The following MTUS1 variants were observed in gnomAD, a reference collection of about 807,000 sequenced individuals.
MTUS1 encodes microtubule-associated tumor suppressor 1.
MTUS1 carries 109 observed loss-of-function variants against 120.8 expected under a neutral mutation model. The ratio of observed to expected loss-of-function variants is 0.90; its 90% CI spans 0.77 to 1.06. The LOEUF (loss-of-function observed/expected upper bound fraction) is 1.06, where lower values mean the gene tolerates loss of function less well. Ranked by LOEUF, MTUS1 falls within the 50% of genes least tolerant of loss-of-function variation. The pLI, the probability that MTUS1 is intolerant of heterozygous loss-of-function variation, is 0.00. For missense variants in MTUS1, 2,210 were observed against 1,486.3 expected (o/e 1.49, Z -8.01); for synonymous variants, 737 against 550.5 (o/e 1.34, Z -4.74).
chr8:17,655,344 G>C (rs1461683576), intron 9 of MTUS1, among the ~76,000 whole-genome samples: 1 of 151,282 alleles, frequency 6.6e-6, no homozygotes, highest in African/African-American at 2.4e-5. Context: ...CCACCAGGAT[G>C]TTTACAAGGG....
chr8:17,796,543 T>C (rs2052259135), intron 1 of MTUS1, among the ~76,000 whole-genome samples: 1 of 152,198 alleles, frequency 6.6e-6, no homozygotes, highest in African/African-American at 2.4e-5. Context: ...CAATCACAAG[T>C]TGCCAATCTG....
rs201959113 is a variant in MTUS1 at position 17,753,933 on chromosome 8, G to T, written c.1875C>A (p.Cys625Ter). The change falls in exon 2 of 15, where the codon TGC (cysteine) becomes TGA (stop). Residue 625 changes from cysteine (C) to a stop codon, truncating the protein, a stop_gained. Coordinates refer to ENST00000693296, the MANE Select transcript of MTUS1 (RefSeq NM_001363059.2). LOFTEE classifies it high-confidence loss of function. ...ACAACGCAGAAACGGACCCGGTCTC[G>T]CATGCTGAGTTAGAAGAACTGGCTT... Reference protein sequence around the residue: ...VDKASSSNSACETGSVSALFQ... With the variant: ...VDKASSSNSA 6.2e-7 allele frequency: 1 copy of T among 1,614,114 alleles called. No individual in the cohort carries two copies. Among genetic ancestry groups the T allele is most frequent in the Non-Finnish European group, 8.5e-7 (1 of 1,180,006 alleles).
rs74822417 is a variant in MTUS1 at position 17,742,572 on chromosome 8, T to C, written c.2287+1032A>G. 1.2e-3 allele frequency among the ~76,000 whole-genome samples: 179 copies of C among 152,168 alleles called. 2 individuals carry two copies. In the East Asian group the frequency reaches 0.018, roughly 15 times the overall value. ...AATTCCTGTTTCCACCCAGATCCTC[T>C]GGGGATGGAGCCATGTGCTGCAAAC... On this transcript the variant is annotated intron_variant, in intron 3 of 14. Transcript: ENST00000693296.
At chr8:17,687,840 G>A (rs1156296481) in intron 6 of MTUS1, among the ~76,000 whole-genome samples, 6 of 152,178 alleles carry the variant, frequency 3.9e-5, no homozygotes, top group East Asian at 1.9e-4. Flanking sequence ...TTTAAAACTA[G>A]TGCAATGAAG....
intron 1 of MTUS1, among the ~76,000 whole-genome samples, chr8:17,779,465 G>A (rs560420065): frequency 6.6e-6 from 1 of 152,104 alleles, no homozygotes; most frequent in East Asian, 1.9e-4. Flanking sequence ...CCCATGTTCT[G>A]GTGTTTAAAA....
chr8:17,768,609 T>C (rs912388770), intron 1 of MTUS1, among the ~76,000 whole-genome samples: 6 of 150,854 alleles, frequency 4.0e-5, no homozygotes, highest in African/African-American at 1.5e-4. Flanking sequence ...CCACATGAGG[T>C]TTGTATTTAA....
intron 3 of MTUS1, among the ~76,000 whole-genome samples, chr8:17,733,119 G>A (rs932865271): frequency 2.0e-5 from 3 of 152,160 alleles, no homozygotes; most frequent in East Asian, 1.9e-4. Context: ...GGAAGGCCGA[G>A]GTGGGTGGAT....
At chr8:17,761,706 C>A (rs1250395675) in intron 1 of MTUS1, among the ~76,000 whole-genome samples, 1 of 152,156 alleles carries the variant, frequency 6.6e-6, no homozygotes, top group Non-Finnish European at 1.5e-5. Context: ...GGCTTCATTA[C>A]TTTATAACCA....
intron 8 of MTUS1, among the ~76,000 whole-genome samples, chr8:17,669,886 C>T (rs890357378): frequency 2.6e-5 from 4 of 152,146 alleles, no homozygotes; most frequent in African/African-American, 9.7e-5. Context: ...AGACACATGT[C>T]AGCCTGACTC....
At chr8:17,728,167 T>G (rs1033969577) in intron 3 of MTUS1, among the ~76,000 whole-genome samples, 12 of 152,274 alleles carry the variant, frequency 7.9e-5, no homozygotes, top group African/African-American at 2.9e-4. Context: ...GGGGAGTTGT[T>G]CAATGGGTAG....
At chr8:17,692,951 C>A (rs986907523) in intron 6 of MTUS1, among the ~76,000 whole-genome samples, 1 of 152,170 alleles carries the variant, frequency 6.6e-6, no homozygotes, top group Non-Finnish European at 1.5e-5. Context: ...TCCTCCCTTG[C>A]GCTGCAGTAA....
chr8:17,648,826 G>C (rs1201791525), intron 13 of MTUS1, among the ~76,000 whole-genome samples: 1 of 152,210 alleles, frequency 6.6e-6, no homozygotes, highest in East Asian at 1.9e-4. Context: ...GGGGAGAAGA[G>C]GCCAGTAGCA....
chr8:17,700,397 G>C (rs561950509), intron 6 of MTUS1, among the ~76,000 whole-genome samples: 1 of 143,172 alleles, frequency 7.0e-6, no homozygotes, highest in African/African-American at 2.7e-5. Flanking sequence ...TTGAATCTGG[G>C]AGATGGAGGT....
intron 3 of MTUS1, among the ~76,000 whole-genome samples, chr8:17,729,978 T>C (rs1423559092): frequency 7.6e-5 from 10 of 131,012 alleles, no homozygotes; most frequent in African/African-American, 2.9e-4. Flanking sequence ...AATGGGATGC[T>C]ATCATCAAAA....
At chr8:17,660,757 G>A (rs910775144) in intron 8 of MTUS1, among the ~76,000 whole-genome samples, 58 of 152,216 alleles carry the variant, frequency 3.8e-4, no homozygotes, top group Admixed American at 2.2e-3. Flanking sequence ...CTGTGGTTAT[G>A]ATTTGGTCAG....
At chr8:17,727,877 G>A (rs904468256) in intron 3 of MTUS1, among the ~76,000 whole-genome samples, 1 of 152,114 alleles carries the variant, frequency 6.6e-6, no homozygotes, top group African/African-American at 2.4e-5. Flanking sequence ...AAATCTGGAA[G>A]GAATAACACC....
In MTUS1 at chr8:17,754,728, G is replaced by T. The variant is rs373445770; in HGVS notation, c.1080C>A (p.Ser360Arg). Residue 360 changes from serine (S) to arginine (R), a missense_variant, in exon 2 of 15, where the codon AGC becomes AGA. Physicochemically the swap from Ser to Arg is moderately radical, Grantham distance 110. Transcript: ENST00000693296. ...GCTCTGGGTTCAGCACTTGAGCTTCGCTCTTATCAAAAGCTGGCACCATTA... is the reference window on the plus strand; with the variant it reads ...GCTCTGGGTTCAGCACTTGAGCTTCTCTCTTATCAAAAGCTGGCACCATTA... ...CPLMVPAFDK[S>R]EAQVLNPEHK... is the part of the protein sequence containing the mutation. The T allele has an allele frequency of 4.3e-6, 7 of 1,614,184 alleles. No homozygotes were observed. The highest frequency in any genetic ancestry group is 5.1e-6 in the Non-Finnish European group (6 of 1,180,040).
At chr8:17,717,886 C>A (rs939989934) in intron 4 of MTUS1, among the ~76,000 whole-genome samples, 1 of 152,160 alleles carries the variant, frequency 6.6e-6, no homozygotes, top group African/African-American at 2.4e-5. Flanking sequence ...AGTCAGAATT[C>A]ATACTGCAAG....
chr8:17,709,591 C>T (rs1045297258), intron 6 of MTUS1, among the ~76,000 whole-genome samples: 6 of 152,182 alleles, frequency 3.9e-5, no homozygotes, highest in African/African-American at 1.4e-4. Flanking sequence ...ATATATATCA[C>T]CCCATAAGAC....
Sources: allele counts gnomAD v4.1 joint callset (sites outside exome capture counted in the v4.1 genomes callset), GRCh38; gene constraint gnomAD v4.1.1; transcripts MANE v1.5; gene names NCBI Gene and HGNC (gene_info 2026-07-23, HGNC 2026-07-21).